Variants in LINGO1 observed in about 807,000 individuals in gnomAD.
LINGO1 encodes leucine-rich repeat and immunoglobulin-like domain-containing nogo receptor-interacting protein 1.
LINGO1 carries 11 observed loss-of-function variants against 37.3 expected under a neutral mutation model. The ratio of observed to expected loss-of-function variants is 0.29; its 90% confidence interval spans 0.19 to 0.49. The LOEUF is 0.49. Among genes scored for constraint, LINGO1 ranks in the 20% least tolerant of loss-of-function variants. The pLI, the probability that LINGO1 is intolerant of heterozygous loss-of-function variation, is 0.99. For missense variants in LINGO1, 585 were observed against 878.2 expected (o/e 0.67, Z 4.22); for synonymous variants, 387 against 403.0 (o/e 0.96, Z 0.48).
At chr15:77,675,465 G>A (rs2075311648) in intron 3 of LINGO1, among the ~76,000 whole-genome samples, 1 of 152,192 alleles carries the variant, frequency 6.6e-6, no homozygotes, top group Non-Finnish European at 1.5e-5. Context: ...GAACTCTATG[G>A]AAGGACCCGG....
chr15:77,702,323 G>T (rs1009328964), intron 2 of LINGO1, among the ~76,000 whole-genome samples: 3 of 152,170 alleles, frequency 2.0e-5, no homozygotes, highest in Non-Finnish European at 4.4e-5. Context: ...CGGGTGGAAA[G>T]GCTCCAGACA....
chr15:77,644,992 A>G (rs1486650314), intron 3 of LINGO1, among the ~76,000 whole-genome samples: 5 of 152,112 alleles, frequency 3.3e-5, no homozygotes, highest in Non-Finnish European at 1.5e-5. Context: ...GGGCGTTTAC[A>G]CTCAGACACA....
chr15:77,810,250 G>A (rs113655912), intron 1 of LINGO1, among the ~76,000 whole-genome samples: 7 of 110,006 alleles, frequency 6.4e-5, no homozygotes, highest in Non-Finnish European at 1.1e-4. Flanking sequence ...ACACACACAC[G>A]CATACACATG....
chr15:77,716,285 T>TG lies in LINGO1; in HGVS notation c.-195+18706_-195+18707insC, dbSNP rs2141302144. Among the ~76,000 whole-genome samples the TG allele has an allele frequency of 1.4e-5, 2 of 141,202 alleles. 1 individual carries two copies. The highest frequency in any genetic ancestry group is 4.5e-4 in the East Asian group (2 of 4,450). 92.6% of individuals were successfully genotyped at this position (141,202 alleles called of 152,430 possible). On this transcript the variant is annotated intron_variant, in intron 2 of 3. Transcript: ENST00000561686. ...TTTTCTTTCTTCTTCTTCTTCTTTT[T>TG]TTTTTTTTTTTTTGAGACAGGGTCT...
intron 2 of LINGO1, among the ~76,000 whole-genome samples, chr15:77,688,422 C>T (rs1050161670): frequency 6.6e-6 from 1 of 152,228 alleles, no homozygotes; most frequent in Non-Finnish European, 1.5e-5. Flanking sequence ...GTTTCCCAGC[C>T]TCTTTCATTA....
intron 1 of LINGO1, among the ~76,000 whole-genome samples, chr15:77,695,787 G>A (rs1213959936): frequency 2.0e-5 from 3 of 152,220 alleles, no homozygotes; most frequent in Non-Finnish European, 2.9e-5. Context: ...AGGTGTTCCC[G>A]AGGCCGGCTG....
At chr15:77,623,614 C>T (rs1007065411) in intron 1 of LINGO1, among the ~76,000 whole-genome samples, 6 of 152,174 alleles carry the variant, frequency 3.9e-5, no homozygotes, top group South Asian at 2.1e-4. Context: ...GCGGACTGCG[C>T]GGCTGGGGGC....
chr15:77,677,695 G>A (rs2075351319), intron 2 of LINGO1, among the ~76,000 whole-genome samples: 1 of 152,032 alleles, frequency 6.6e-6, no homozygotes, highest in South Asian at 2.1e-4. Flanking sequence ...GTGGTCTCTG[G>A]CAGCTGACCC....
intron 1 of LINGO1, among the ~76,000 whole-genome samples, chr15:77,812,664 C>T (rs538061016): frequency 1.4e-5 from 2 of 145,604 alleles, no homozygotes; most frequent in South Asian, 4.3e-4. Flanking sequence ...CAGCCAGGCC[C>T]AGCTGACCCT....
chr15:77,742,158 A>C (rs1439408557), intron 1 of LINGO1, among the ~76,000 whole-genome samples: 2 of 152,212 alleles, frequency 1.3e-5, no homozygotes, highest in Non-Finnish European at 2.9e-5. Flanking sequence ...ACTGAGCCCC[A>C]CAAGCCTAGC....
At chr15:77,669,352 C>T (rs2075206203) in intron 3 of LINGO1, among the ~76,000 whole-genome samples, 1 of 152,234 alleles carries the variant, frequency 6.6e-6, no homozygotes, top group Non-Finnish European at 1.5e-5. Context: ...AGCATCTCCC[C>T]CAGCTCTTCA....
chr15:77,620,896 C>T (rs556442352), intron 1 of LINGO1, among the ~76,000 whole-genome samples: 2 of 152,228 alleles, frequency 1.3e-5, no homozygotes, highest in East Asian at 1.9e-4. Context: ...ACTGAGAGGG[C>T]TCAGGAGTCA....
chr15:77,793,332 A>T (rs1431153684), intron 2 of LINGO1, among the ~76,000 whole-genome samples: 1 of 152,084 alleles, frequency 6.6e-6, no homozygotes, highest in African/African-American at 2.4e-5. Flanking sequence ...CCCTCTAATC[A>T]CTGGAGCACC....
chr15:77,820,892 G>A (rs1009734564), upstream of LINGO1: 2 of 152,434 alleles, frequency 1.3e-5, no homozygotes, highest in African/African-American at 4.8e-5. Flanking sequence ...GGAAACCAGG[G>A]AACGAGGTAA....
At chr15:77,699,773 A>ACCTGCACACAGTAAGTACATAC (rs2075756865), upstream of LINGO1, among the ~76,000 whole-genome samples, 145 of 149,876 alleles carry the variant, frequency 9.7e-4, no homozygotes, top group African/African-American at 1.1e-3. Flanking sequence ...ACTAACCATC[A>ACCTGCACACAGTAAGTACATAC]TTCCCCCCCT....
At chr15:77,773,992 G>A (rs2076611698) in intron 1 of LINGO1, among the ~76,000 whole-genome samples, 1 of 152,096 alleles carries the variant, frequency 6.6e-6, no homozygotes, top group Non-Finnish European at 1.5e-5. Context: ...GGAGTTCCTG[G>A]AAGGGAGCAG....
chr15:77,619,529 T>C (rs1209977850), intron 1 of LINGO1, among the ~76,000 whole-genome samples: 1 of 151,534 alleles, frequency 6.6e-6, no homozygotes, highest in African/African-American at 2.4e-5. Context: ...CCCACAGAAA[T>C]TTAAAAATTA....
intron 3 of LINGO1, among the ~76,000 whole-genome samples, chr15:77,658,088 C>T (rs989104660): frequency 2.0e-5 from 3 of 152,144 alleles, no homozygotes; most frequent in Non-Finnish European, 4.4e-5. Context: ...AACGGCCTGG[C>T]CCAGAAATGG....
chr15:77,727,985 T>G (rs1032686389), intron 2 of LINGO1, among the ~76,000 whole-genome samples: 1 of 152,190 alleles, frequency 6.6e-6, no homozygotes, highest in Non-Finnish European at 1.5e-5. Context: ...ACCATGCATC[T>G]TAAAACAGGA....
Sources: gnomAD v4.1 joint callset for allele counts (sites outside exome capture counted in the v4.1 genomes callset) on GRCh38, gnomAD v4.1.1 for gene constraint, MANE v1.5 for transcripts, NCBI Gene and HGNC (gene_info 2026-07-23, HGNC 2026-07-21) for gene names.